The following ASTN2 variants were observed in gnomAD, a reference collection of about 807,000 sequenced individuals.
The protein encoded by ASTN2 is astrotactin 2.
A neutral mutation model predicts 139.8 loss-of-function variants in ASTN2; 54 were observed. The observed-to-expected ratio is 0.39, with a 90% CI of 0.31 to 0.48. ASTN2 has a LOEUF of 0.48. Ranked by LOEUF, ASTN2 falls within the 20% of genes least tolerant of loss-of-function variation. ASTN2 has a pLI of 0.95. For synonymous variants in ASTN2, 756 were observed against 719.5 expected (o/e 1.05, Z -0.81); for missense variants, 1,565 against 1,725.1 (o/e 0.91, Z 1.64).
intron 3 of ASTN2, among the ~76,000 whole-genome samples, chr9:117,175,417 G>A (rs2132934598): frequency 6.6e-6 from 1 of 152,218 alleles, no homozygotes; most frequent in East Asian, 1.9e-4. Flanking sequence ...GTGACAGCAA[G>A]CCTTTTCATA....
At chr9:116,589,717 CTTTAGT>C (rs1194546735) in intron 19 of ASTN2, among the ~76,000 whole-genome samples, 2 of 152,194 alleles carry the variant, frequency 1.3e-5, no homozygotes, top group African/African-American at 4.8e-5. Flanking sequence ...GCCTCCAACT[CTTTAGT>C]TTTATGTTTC....
intron 16 of ASTN2, among the ~76,000 whole-genome samples, chr9:116,654,889 T>C (rs534354789): frequency 6.6e-6 from 1 of 152,356 alleles, no homozygotes; most frequent in Admixed American, 6.5e-5. Context: ...TATATAACTA[T>C]CCATTTAACA....
intron 16 of ASTN2, among the ~76,000 whole-genome samples, chr9:116,704,041 G>T (rs531028477): frequency 6.6e-6 from 1 of 152,292 alleles, no homozygotes; most frequent in African/African-American, 2.4e-5. Flanking sequence ...TAGTGAGCCA[G>T]CTCTGGGTCT....
chr9:116,472,916 G>C (rs1848859942), intron 20 of ASTN2, among the ~76,000 whole-genome samples: 1 of 122,254 alleles, frequency 8.2e-6, no homozygotes, highest in Non-Finnish European at 1.7e-5. Flanking sequence ...AACAGAGCGA[G>C]ACTCTGTCTT....
intron 5 of ASTN2, among the ~76,000 whole-genome samples, chr9:117,052,300 C>T (rs1474459027): frequency 1.3e-5 from 2 of 151,784 alleles, no homozygotes; most frequent in South Asian, 2.1e-4. Context: ...ATTAGCCAGG[C>T]GTGGTGGTGG....
intron 3 of ASTN2, among the ~76,000 whole-genome samples, chr9:117,212,083 T>C (rs1477683083): frequency 2.0e-5 from 3 of 152,084 alleles, no homozygotes; most frequent in Non-Finnish European, 4.4e-5. Flanking sequence ...CATAGATGAA[T>C]GTAACAGAAT....
chr9:116,427,324 T>A (rs117810845), intron 22 of ASTN2, among the ~76,000 whole-genome samples: 4,137 of 152,248 alleles, frequency 0.027, 63 homozygotes, highest in Middle Eastern at 0.051. Context: ...TTGCCAAATA[T>A]CTTCTGGGGG....
intron 17 of ASTN2, among the ~76,000 whole-genome samples, chr9:116,632,255 A>AAG (rs1219531130): frequency 2.2e-4 from 23 of 102,784 alleles, no homozygotes; most frequent in Non-Finnish European, 4.1e-4. Context: ...GAAAGAAGGA[A>AAG]AGAAAGAAAG....
chr9:116,897,576 C>A (rs1042872257), intron 10 of ASTN2, among the ~76,000 whole-genome samples: 6 of 152,116 alleles, frequency 3.9e-5, no homozygotes, highest in African/African-American at 1.2e-4. Flanking sequence ...AAACTGAAAA[C>A]AACCTAAATA....
intron 20 of ASTN2, among the ~76,000 whole-genome samples, chr9:116,478,604 C>CTAAA (rs1176042036): frequency 2.0e-5 from 3 of 152,150 alleles, no homozygotes; most frequent in Non-Finnish European, 4.4e-5. Context: ...AATATCTGAC[C>CTAAA]TTAAGCTGAA....
At chr9:116,516,227 A>G (rs1218519306) in intron 19 of ASTN2, among the ~76,000 whole-genome samples, 2 of 152,156 alleles carry the variant, frequency 1.3e-5, no homozygotes, top group Non-Finnish European at 2.9e-5. Flanking sequence ...AAGGCTCCAA[A>G]TATCTACTGT....
intron 20 of ASTN2, among the ~76,000 whole-genome samples, chr9:116,456,496 C>T (rs781347410): frequency 2.0e-5 from 3 of 152,218 alleles, no homozygotes; most frequent in Non-Finnish European, 2.9e-5. Flanking sequence ...TTTCATGCTG[C>T]TGATAAGGAC....
rs544486529 is a variant in ASTN2, at chr9:117,410,829, C to T, written c.442+3668G>A. Among the ~76,000 whole-genome samples, 52 of 152,280 alleles carry T rather than the reference C, an allele frequency of 3.4e-4. 2 individuals carry two copies. The South Asian group carries it at 0.011, about 32-fold the overall frequency. On this transcript the variant is annotated intron_variant, in intron 1 of 22. Transcript: ENST00000313400. ...CAATAAATAAAATGCCCTTTGACAT[C>T]CAAGAGTCATGAAACTTTGAGCTGG...
chr9:116,954,424 G>A (rs546327152), intron 10 of ASTN2, among the ~76,000 whole-genome samples: 30 of 152,228 alleles, frequency 2.0e-4, no homozygotes, highest in African/African-American at 3.9e-4. Flanking sequence ...AATAAGCAAG[G>A]GATGCCAATG....
intron 11 of ASTN2, among the ~76,000 whole-genome samples, chr9:116,853,787 G>T (rs1256081949): frequency 6.6e-6 from 1 of 152,162 alleles, no homozygotes; most frequent in African/African-American, 2.4e-5. Context: ...CCCAAATCAT[G>T]AAACACTAAT....
chr9:117,368,293 GCA>G (rs938878450), intron 1 of ASTN2, among the ~76,000 whole-genome samples: 3 of 151,454 alleles, frequency 2.0e-5, no homozygotes, highest in Non-Finnish European at 2.9e-5. Flanking sequence ...ACATGTGCAT[GCA>G]CACACACACA....
intron 5 of ASTN2, among the ~76,000 whole-genome samples, chr9:117,084,644 T>C (rs1020102298): frequency 1.3e-5 from 2 of 152,180 alleles, no homozygotes; most frequent in South Asian, 2.1e-4. Flanking sequence ...ACTTAATACA[T>C]AGTTGCTATA....
chr9:117,336,985 A>G (rs1286397661), intron 1 of ASTN2, among the ~76,000 whole-genome samples: 2 of 152,244 alleles, frequency 1.3e-5, no homozygotes. Context: ...GTTTGCTGTC[A>G]GTTTGCATGA....
intron 16 of ASTN2, chr9:116,701,332 C>A (rs1861162290): frequency 6.1e-6 from 1 of 164,866 alleles, no homozygotes; most frequent in African/African-American, 2.4e-5. Flanking sequence ...GGAGAAAGCC[C>A]CATATTCTGA....
Sources: allele counts gnomAD v4.1 joint callset (sites outside exome capture counted in the v4.1 genomes callset), GRCh38; gene constraint gnomAD v4.1.1; transcripts MANE v1.5; gene names NCBI Gene and HGNC (gene_info 2026-07-23, HGNC 2026-07-21).